Variants in NAV2 observed in about 807,000 individuals in gnomAD.
NAV2 encodes helicase, APC down-regulated 1.
In NAV2, 54 loss-of-function variants were observed where a neutral mutation model predicts 223.2. The observed-to-expected ratio is 0.24, with a 90% CI of 0.19 to 0.30. NAV2 has a LOEUF of 0.30. NAV2 is among the 10% of genes least tolerant of loss of function. NAV2 has a pLI of 1.00. For synonymous variants in NAV2, 1,279 were observed against 1,239.3 expected (o/e 1.03, Z -0.67); for missense variants, 2,806 against 3,147.5 (o/e 0.89, Z 2.60).
intron 1 of NAV2, among the ~76,000 whole-genome samples, chr11:19,697,193 G>A (rs147660753): frequency 5.3e-5 from 8 of 152,254 alleles, no homozygotes; most frequent in East Asian, 1.9e-4. Context: ...ACCAAATATC[G>A]CATGTTCTCA....
At chr11:19,348,759 C>A (rs117179082), upstream of NAV2, among the ~76,000 whole-genome samples, 1 of 152,192 alleles carries the variant, frequency 6.6e-6, no homozygotes, top group African/African-American at 2.4e-5. Context: ...TGTGTGGTAT[C>A]ATTCTCCTCA....
At chr11:19,418,922 G>A (rs1392896746) in intron 1 of NAV2, among the ~76,000 whole-genome samples, 3 of 152,148 alleles carry the variant, frequency 2.0e-5, no homozygotes, top group Admixed American at 6.5e-5. Flanking sequence ...TGATAGCAGG[G>A]CATGGATTCC....
intron 1 of NAV2, among the ~76,000 whole-genome samples, chr11:19,685,842 AG>A (rs2152243128): frequency 6.6e-6 from 1 of 152,308 alleles, no homozygotes; most frequent in East Asian, 1.9e-4. Context: ...GTGAGGTTTC[AG>A]GAGCCTCCCA....
intron 1 of NAV2, among the ~76,000 whole-genome samples, chr11:19,616,809 A>G (rs1490244851): frequency 6.6e-6 from 1 of 152,034 alleles, no homozygotes; most frequent in Non-Finnish European, 1.5e-5. Context: ...AGTCCTCAGA[A>G]TAGGTTTTTA....
At chr11:19,445,873 A>G (rs1324406657) in intron 1 of NAV2, among the ~76,000 whole-genome samples, 1 of 152,062 alleles carries the variant, frequency 6.6e-6, no homozygotes, top group African/African-American at 2.4e-5. Context: ...AATAGTTTAC[A>G]AGGTAGGTGA....
rs147197398 is a variant in NAV2, at chr11:19,611,256, G to A, written c.76-221228G>A. Among the ~76,000 whole-genome samples the A allele has an allele frequency of 4.9e-3, 742 of 152,266 alleles. 9 individuals are homozygous for A. Among genetic ancestry groups the A allele is most frequent in the African/African-American group, 0.017 (703 of 41,552 alleles). ...CCCTGGGTCCCTCCCACAACACGTG[G>A]GAATTCTGGGAGATACATTTCAAGT... On this transcript the variant is annotated intron_variant, in intron 1 of 37. Transcript: ENST00000360655.
intron 1 of NAV2, among the ~76,000 whole-genome samples, chr11:19,388,867 G>A (rs1849142178): frequency 6.6e-6 from 1 of 152,146 alleles, no homozygotes; most frequent in Non-Finnish European, 1.5e-5. Flanking sequence ...CCCATTTACA[G>A]ATGAGGAGGC....
intron 8 of NAV2, among the ~76,000 whole-genome samples, chr11:19,945,173 T>TG (rs1191068166): frequency 6.8e-5 from 6 of 87,772 alleles, no homozygotes; most frequent in Admixed American, 4.6e-4. Context: ...TTCCCTTCCC[T>TG]TCCCTTCCCT....
chr11:19,668,672 C>T (rs892156838), intron 1 of NAV2, among the ~76,000 whole-genome samples: 1 of 151,948 alleles, frequency 6.6e-6, no homozygotes, highest in Admixed American at 6.6e-5. Context: ...CATTCAGGCC[C>T]TTGACTCATC....
At chr11:19,959,939 G>C (rs1219013062) in intron 10 of NAV2, among the ~76,000 whole-genome samples, 1 of 152,158 alleles carries the variant, frequency 6.6e-6, no homozygotes, top group African/African-American at 2.4e-5. Context: ...CTCTTCACTG[G>C]CAAGCAGCAT....
chr11:19,772,141 A>C (rs529698779), intron 1 of NAV2, among the ~76,000 whole-genome samples: 14 of 152,308 alleles, frequency 9.2e-5, no homozygotes, highest in Non-Finnish European at 1.6e-4. Flanking sequence ...ATTTTTATAC[A>C]TCTTCTTCCT....
At chr11:19,968,812 C>G (rs935305677) in intron 10 of NAV2, among the ~76,000 whole-genome samples, 1 of 152,192 alleles carries the variant, frequency 6.6e-6, no homozygotes, top group Non-Finnish European at 1.5e-5. Flanking sequence ...TTGGCTCCTA[C>G]TCTGGAGGTC....
chr11:20,066,752 G>C (rs546726846), intron 20 of NAV2, among the ~76,000 whole-genome samples: 2 of 152,130 alleles, frequency 1.3e-5, no homozygotes, highest in Non-Finnish European at 2.9e-5. Flanking sequence ...AAAAATAATG[G>C]GCTTATGCCT....
intron 31 of NAV2, among the ~76,000 whole-genome samples, chr11:20,099,217 A>G (rs2061472148): frequency 6.6e-6 from 1 of 152,186 alleles, no homozygotes; most frequent in Non-Finnish European, 1.5e-5. Flanking sequence ...TGAGCTCCCC[A>G]TGGGAAAGAA....
At chr11:19,576,897 C>T (rs12786144) in intron 1 of NAV2, among the ~76,000 whole-genome samples, 115,749 of 152,132 alleles carry the variant, frequency 0.76, 49,150 homozygotes, top group South Asian at 0.95. Context: ...GTCCTTCCAT[C>T]TGGCTGTCTT....
chr11:19,768,731 G>C (rs1478847409), intron 1 of NAV2, among the ~76,000 whole-genome samples: 1 of 152,178 alleles, frequency 6.6e-6, no homozygotes, highest in Admixed American at 6.5e-5. Context: ...TGCAATTCCA[G>C]CCACACTATT....
chr11:19,373,532 C>G (rs1259383920), intron 1 of NAV2, among the ~76,000 whole-genome samples: 2 of 152,194 alleles, frequency 1.3e-5, no homozygotes, highest in African/African-American at 4.8e-5. Flanking sequence ...TTCAGGTCAC[C>G]TCCTCTGAAA....
chr11:19,745,903 G>C (rs150085158), intron 1 of NAV2, among the ~76,000 whole-genome samples: 1 of 152,180 alleles, frequency 6.6e-6, no homozygotes, highest in African/African-American at 2.4e-5. Flanking sequence ...ATGGTTCAAG[G>C]TCTGGGGACC....
At chr11:19,710,115 A>G (rs1322746341), upstream of NAV2, among the ~76,000 whole-genome samples, 1 of 152,228 alleles carries the variant, frequency 6.6e-6, no homozygotes, top group African/African-American at 2.4e-5. Flanking sequence ...ACAGGAAACC[A>G]AAGATGGCAA....
Sources: gnomAD v4.1 joint callset for allele counts (sites outside exome capture counted in the v4.1 genomes callset) on GRCh38, gnomAD v4.1.1 for gene constraint, MANE v1.5 for transcripts, NCBI Gene and HGNC (gene_info 2026-07-23, HGNC 2026-07-21) for gene names.